SFMBT2: variants seen among roughly 807,000 people sequenced by gnomAD.
The protein encoded by SFMBT2 is Scm like with four mbt domains 2, also known as scm-like with four MBT domains protein 2.
SFMBT2 carries 38 observed loss-of-function variants against 110.1 expected under a neutral mutation model. That is an observed-to-expected ratio of 0.35 (90% CI 0.27 to 0.45). The LOEUF (loss-of-function observed/expected upper bound fraction) is 0.45, where lower values mean the gene tolerates loss of function less well. Ranked by LOEUF, SFMBT2 falls within the 20% of genes least tolerant of loss-of-function variation. SFMBT2 has a pLI of 1.00. For missense variants in SFMBT2, 1,011 were observed against 1,094.9 expected, an observed-to-expected ratio of 0.92 and a Z score of 1.08; for synonymous variants, 425 against 425.4, an observed-to-expected ratio of 1.00 and a Z score of 0.01.
chr10:7,381,906 G>A lies in SFMBT2; in HGVS notation c.-8C>T, dbSNP rs756098009. Reference sequence around the variant, plus strand: ...TGACAAAGTGCTCTCCATGCCTGATGAGCAAGTGTCTCTTCTCTTAATTCA... The same window carrying A: ...TGACAAAGTGCTCTCCATGCCTGATAAGCAAGTGTCTCTTCTCTTAATTCA... On this transcript the variant is annotated 5_prime_UTR_variant, in exon 2 of 21. Coordinates refer to ENST00000397167, the MANE Select transcript of SFMBT2 (RefSeq NM_001387889.1). 2 of 1,578,268 alleles carry A rather than the reference G, an allele frequency of 1.3e-6. No individual in the cohort carries two copies. Among genetic ancestry groups the A allele is most frequent in the Non-Finnish European group, 8.6e-7 (1 of 1,158,724 alleles).
chr10:7,241,801 T>C (rs1840438509), intron 9 of SFMBT2, among the ~76,000 whole-genome samples: 1 of 152,226 alleles, frequency 6.6e-6, no homozygotes, highest in Non-Finnish European at 1.5e-5. Context: ...CTTAAAATTC[T>C]GAAAACATTG....
At chr10:7,310,910 G>A (rs1842834849) in intron 4 of SFMBT2, among the ~76,000 whole-genome samples, 1 of 152,078 alleles carries the variant, frequency 6.6e-6, no homozygotes, top group Non-Finnish European at 1.5e-5. Flanking sequence ...AACTGGGCAT[G>A]GTGGCGGACG....
intron 7 of SFMBT2, among the ~76,000 whole-genome samples, chr10:7,276,222 G>C (rs940973113): frequency 6.6e-6 from 1 of 152,074 alleles, no homozygotes; most frequent in Non-Finnish European, 1.5e-5. Flanking sequence ...CAGAACCTCG[G>C]GACATCAAGA....
intron 9 of SFMBT2, among the ~76,000 whole-genome samples, chr10:7,232,930 G>C (rs1199070017): frequency 6.6e-6 from 1 of 152,080 alleles, no homozygotes; most frequent in Non-Finnish European, 1.5e-5. Context: ...ACTTTATCCA[G>C]TTCCTGGAGG....
At chr10:7,291,536 TGG>T (rs1383119270) in intron 4 of SFMBT2, among the ~76,000 whole-genome samples, 1 of 152,190 alleles carries the variant, frequency 6.6e-6, no homozygotes, top group Non-Finnish European at 1.5e-5. Context: ...CTCTGATTCC[TGG>T]GGGCTGTTTT....
rs541018150 is a variant in SFMBT2, at chr10:7,206,460, G to A, written c.1331-532C>T. On this transcript the variant is annotated intron_variant, in intron 11 of 20. Transcript: ENST00000397167. ...AGTCAAACTCAAAAACAAGGTTTAT[G>A]AGCAGTGTACGTGGACAAGGCCCTT... 52 of 985,440 alleles carry A rather than the reference G, an allele frequency of 5.3e-5. No individual in the cohort carries two copies. In the African/African-American group the frequency reaches 8.4e-4, roughly 16 times the overall value. 61.0% of individuals were successfully genotyped at this position (985,440 alleles called of 1,614,324 possible).
intron 9 of SFMBT2, among the ~76,000 whole-genome samples, chr10:7,228,884 G>A (rs1354324239): frequency 6.6e-6 from 1 of 151,616 alleles, no homozygotes; most frequent in Non-Finnish European, 1.5e-5. Flanking sequence ...CAGGAGACGA[G>A]GTGAGAGAAA....
chr10:7,311,058 AAAAAACAAAAC>A (rs1375652971), intron 4 of SFMBT2, among the ~76,000 whole-genome samples: 3 of 149,940 alleles, frequency 2.0e-5, no homozygotes, highest in Non-Finnish European at 4.4e-5. Context: ...AAAAAAAAAA[AAAAAACAAAAC>A]AAAAACAAAA....
chr10:7,378,937 C>T (rs184125657), intron 2 of SFMBT2, among the ~76,000 whole-genome samples: 190 of 152,130 alleles, frequency 1.2e-3, no homozygotes, highest in Non-Finnish European at 2.4e-3. Context: ...CACAGCCTCA[C>T]AATGCCTGAA....
chr10:7,382,933 G>C (rs1395321400), intron 1 of SFMBT2, among the ~76,000 whole-genome samples: 1 of 152,176 alleles, frequency 6.6e-6, no homozygotes, highest in Non-Finnish European at 1.5e-5. Context: ...GGAGATACCA[G>C]GAGTAATCGT....
intron 7 of SFMBT2, among the ~76,000 whole-genome samples, chr10:7,251,584 C>G (rs1588385797): frequency 6.6e-6 from 1 of 152,152 alleles, no homozygotes; most frequent in African/African-American, 2.4e-5. Flanking sequence ...AAGTATAAAC[C>G]CTTTCATCTT....
intron 20 of SFMBT2, 106 bp from the exon 21 acceptor site, chr10:7,164,016 C>T: frequency 1.4e-6 from 2 of 1,441,536 alleles, no homozygotes; most frequent in South Asian, 3.0e-5. Context: ...ACAGGATGCT[C>T]TTGTTTCATT....
intron 13 of SFMBT2, among the ~76,000 whole-genome samples, chr10:7,202,001 C>G (rs369649882): frequency 6.6e-6 from 1 of 152,214 alleles, no homozygotes; most frequent in Non-Finnish European, 1.5e-5. Context: ...CACTGAGGGG[C>G]AGAGAATTAA....
chr10:7,360,146 C>T (rs1844667341), intron 4 of SFMBT2, among the ~76,000 whole-genome samples: 1 of 152,146 alleles, frequency 6.6e-6, no homozygotes, highest in South Asian at 2.1e-4. Flanking sequence ...ATTCGTGATT[C>T]ATTCATTCAC....
At chr10:7,269,402 G>A (rs1841500971) in intron 7 of SFMBT2, among the ~76,000 whole-genome samples, 1 of 152,012 alleles carries the variant, frequency 6.6e-6, no homozygotes, top group Non-Finnish European at 1.5e-5. Context: ...TCCCCCCAAC[G>A]TGAGCAACCG....
intron 4 of SFMBT2, among the ~76,000 whole-genome samples, chr10:7,339,240 G>GATGAATAAATAAATAA: frequency 1.3e-5 from 2 of 151,952 alleles, no homozygotes; most frequent in East Asian, 3.9e-4. Context: ...ACTCCATCTC[G>GATGAATAAATAAATAA]ATGAATAAAT....
chr10:7,248,477 G>A lies in SFMBT2; in HGVS notation c.972+71C>T, dbSNP rs1051531014. On this transcript the variant is annotated intron_variant, in intron 8 of 20. Transcript: ENST00000397167. Reference sequence around the variant, plus strand: ...TTGCACGAACATATGTCATCTGGTCGTCTTTGAGTTGAAAGGCTTAATTTG... The same window carrying A: ...TTGCACGAACATATGTCATCTGGTCATCTTTGAGTTGAAAGGCTTAATTTG... 51 of 1,272,728 alleles carry A rather than the reference G, an allele frequency of 4.0e-5. 1 individual carries two copies. The highest frequency in any genetic ancestry group is 1.8e-4 in the African/African-American group (12 of 67,852). The allele number at this position is 1,272,728 out of a possible 1,614,324, so 78.8% of individuals were successfully genotyped here.
chr10:7,288,933 G>C (rs1268159603), intron 4 of SFMBT2, among the ~76,000 whole-genome samples: 1 of 151,420 alleles, frequency 6.6e-6, no homozygotes, highest in Non-Finnish European at 1.5e-5. Flanking sequence ...CTACTCGGGA[G>C]GCTGAGCCGA....
At chr10:7,203,160 TA>T in intron 12 of SFMBT2, 1 of 936,698 alleles carries the variant, frequency 1.1e-6, no homozygotes, top group African/African-American at 1.8e-5. Context: ...TCTTCCAACA[TA>T]AGCATAAATT....
Sources: allele counts gnomAD v4.1 joint callset (sites outside exome capture counted in the v4.1 genomes callset), GRCh38; gene constraint gnomAD v4.1.1; transcripts MANE v1.5; gene names NCBI Gene and HGNC (gene_info 2026-07-23, HGNC 2026-07-21).